The following PLXNA4 variants were observed in gnomAD, a reference collection of about 807,000 sequenced individuals.
PLXNA4 encodes the protein plexin A4.
PLXNA4 carries 44 observed loss-of-function variants against 191.8 expected under a neutral mutation model. That is an observed-to-expected ratio of 0.23 (90% CI 0.18 to 0.29). The LOEUF is 0.29. PLXNA4 is among the 10% of genes least tolerant of loss of function. The pLI is 1.00. For missense variants in PLXNA4, 1,800 were observed against 2,488.8 expected (o/e 0.72, Z 5.89); for synonymous variants, 1,082 against 1,009.5 (o/e 1.07, Z -1.36).
chr7:132,302,860 A>T (rs1292535939), intron 3 of PLXNA4, among the ~76,000 whole-genome samples: 2 of 152,008 alleles, frequency 1.3e-5, no homozygotes, highest in Admixed American at 1.3e-4. Context: ...AACAAATTAG[A>T]TTTCTTTTTT....
At chr7:132,271,559 A>G (rs1033144031) in intron 4 of PLXNA4, among the ~76,000 whole-genome samples, 8 of 152,128 alleles carry the variant, frequency 5.3e-5, no homozygotes, top group African/African-American at 1.9e-4. Context: ...CCTCTTTGGT[A>G]TAGAAGTCCA....
chr7:132,455,803 G>A (rs1585160407), intron 3 of PLXNA4, among the ~76,000 whole-genome samples: 1 of 152,186 alleles, frequency 6.6e-6, no homozygotes, highest in African/African-American at 2.4e-5. Flanking sequence ...GGGTGTGGGT[G>A]CCTGGCTCCC....
At chr7:132,372,738 G>A (rs2116905305) in intron 3 of PLXNA4, among the ~76,000 whole-genome samples, 1 of 152,290 alleles carries the variant, frequency 6.6e-6, no homozygotes, top group Non-Finnish European at 1.5e-5. Context: ...CATAAAATAG[G>A]TACTGCATAA....
At chr7:132,460,716 A>G (rs1328118742) in intron 3 of PLXNA4, among the ~76,000 whole-genome samples, 1 of 152,190 alleles carries the variant, frequency 6.6e-6, no homozygotes, top group African/African-American at 2.4e-5. Context: ...TCCTTTACTA[A>G]GAATGAATCC....
intron 3 of PLXNA4, among the ~76,000 whole-genome samples, chr7:132,459,010 A>C (rs2117346008): frequency 6.6e-6 from 1 of 152,342 alleles, no homozygotes; most frequent in South Asian, 2.1e-4. Flanking sequence ...TTGTGGGGAC[A>C]CAGGATGCAA....
intron 3 of PLXNA4, among the ~76,000 whole-genome samples, chr7:132,313,160 C>G (rs1352314211): frequency 1.3e-5 from 2 of 152,160 alleles, no homozygotes; most frequent in Non-Finnish European, 2.9e-5. Context: ...CACTTTTCCT[C>G]AAGCCTAGAG....
chr7:132,298,005 G>C, intron 4 of PLXNA4, 86 bp downstream of exon 4: 1 of 1,532,080 alleles, frequency 6.5e-7, no homozygotes, highest in Non-Finnish European at 9.0e-7. Context: ...TCACCTCTCT[G>C]CAGCTGGCCT....
At chr7:132,255,230 G>T (rs1799393413) in intron 4 of PLXNA4, among the ~76,000 whole-genome samples, 2 of 152,296 alleles carry the variant, frequency 1.3e-5, no homozygotes, top group East Asian at 1.9e-4. Flanking sequence ...GGTCACAGGG[G>T]ACCTGGGACC....
intron 3 of PLXNA4, among the ~76,000 whole-genome samples, chr7:132,298,782 T>C (rs1008051672): frequency 6.6e-6 from 1 of 152,232 alleles, no homozygotes; most frequent in African/African-American, 2.4e-5. Flanking sequence ...TACCATTAGG[T>C]CCTGAAACCT....
chr7:132,381,107 T>C (rs1183392660), intron 3 of PLXNA4, among the ~76,000 whole-genome samples: 1 of 152,238 alleles, frequency 6.6e-6, no homozygotes, highest in Middle Eastern at 3.2e-3. Context: ...ATCTCCAGGA[T>C]TCCAAGCACT....
chr7:132,296,685 C>A (rs2116492920), intron 4 of PLXNA4, among the ~76,000 whole-genome samples: 1 of 152,258 alleles, frequency 6.6e-6, no homozygotes, highest in Non-Finnish European at 1.5e-5. Flanking sequence ...TTGTGAAGAT[C>A]TTCTCCAGAT....
At chr7:132,611,467 G>A (rs866447567) in intron 2 of PLXNA4, among the ~76,000 whole-genome samples, 13 of 152,118 alleles carry the variant, frequency 8.5e-5, no homozygotes, top group Admixed American at 1.3e-4. Context: ...GGCCAAGCCC[G>A]GTGCACACTT....
At chr7:132,283,388 G>A (rs1484381737) in intron 4 of PLXNA4, among the ~76,000 whole-genome samples, 1 of 152,212 alleles carries the variant, frequency 6.6e-6, no homozygotes, top group African/African-American at 2.4e-5. Flanking sequence ...CATGGACTAA[G>A]CTCAGAGGTG....
intron 1 of PLXNA4, among the ~76,000 whole-genome samples, chr7:132,531,415 A>G (rs189190602): frequency 2.0e-5 from 3 of 152,356 alleles, no homozygotes; most frequent in African/African-American, 7.2e-5. Context: ...ATTTCTCTTA[A>G]TAGTCTATAA....
rs1802692053 is a variant in PLXNA4, at chr7:132,595,493, G to C, written c.-87+50435C>G. ...ATAAGTTTTAAATCCCCAGATACGG[G>C]TGGATCACCAATGAGTGCTCCAGAG... On this transcript the variant is annotated intron_variant, in intron 2 of 4. Coordinates refer to the PLXNA4 transcript ENST00000378539. Among the ~76,000 whole-genome samples, 5 of 152,158 alleles carry C rather than the reference G, an allele frequency of 3.3e-5. No homozygotes were observed. In the South Asian group the frequency reaches 1.0e-3, roughly 32 times the overall value.
chr7:132,273,627 C>T (rs967264959), intron 4 of PLXNA4, among the ~76,000 whole-genome samples: 3 of 152,094 alleles, frequency 2.0e-5, no homozygotes, highest in Admixed American at 1.3e-4. Flanking sequence ...AAGCTGATGG[C>T]CATAGTGTTG....
intron 1 of PLXNA4, among the ~76,000 whole-genome samples, chr7:132,532,215 C>T (rs74718407): frequency 0.034 from 5,149 of 152,240 alleles, 236 homozygotes; most frequent in African/African-American, 0.1. Flanking sequence ...GCCAAAGAAA[C>T]GCAGTAAGAA....
chr7:132,291,951 G>A lies in PLXNA4; in HGVS notation c.1503+6140C>T, dbSNP rs141043506. 7.9e-5 allele frequency among the ~76,000 whole-genome samples: 12 copies of A among 152,240 alleles called. No homozygotes were observed. The East Asian group carries it at 1.7e-3, about 22-fold the overall frequency. ...TTGGGATTACAGGTGCATGCCACCA[G>A]GCTCAGCTAATGTTTTGTCTTTTTA... On this transcript the variant is annotated intron_variant, in intron 4 of 31. Transcript: ENST00000321063.
At chr7:132,589,052 T>G (rs1458344126) in intron 2 of PLXNA4, among the ~76,000 whole-genome samples, 2 of 152,202 alleles carry the variant, frequency 1.3e-5, no homozygotes, top group Non-Finnish European at 2.9e-5. Flanking sequence ...GCCAACAGGA[T>G]ATTTTATGTA....
Sources: gnomAD v4.1 joint callset for allele counts (sites outside exome capture counted in the v4.1 genomes callset) on GRCh38, gnomAD v4.1.1 for gene constraint, MANE v1.5 for transcripts, NCBI Gene and HGNC (gene_info 2026-07-23, HGNC 2026-07-21) for gene names.